The following EPHA6 variants were observed in gnomAD, a reference collection of about 807,000 sequenced individuals.
The protein encoded by EPHA6 is ephrin type-A receptor 6.
Under a neutral mutation model 112.0 loss-of-function variants are expected in EPHA6, and 50 were observed. The observed-to-expected ratio is 0.45, with a 90% CI of 0.36 to 0.56. The LOEUF is 0.56. Ranked by LOEUF, EPHA6 falls within the 20% of genes least tolerant of loss-of-function variation. The pLI, the probability that EPHA6 is intolerant of heterozygous loss-of-function variation, is 0.00. For missense variants in EPHA6, 1,280 were observed against 1,417.4 expected, an observed-to-expected ratio of 0.90 and a Z score of 1.56; for synonymous variants, 529 against 490.7, an observed-to-expected ratio of 1.08 and a Z score of -1.03.
At chr3:97,580,498 T>A (rs1360691181) in intron 11 of EPHA6, among the ~76,000 whole-genome samples, 1 of 152,194 alleles carries the variant, frequency 6.6e-6, no homozygotes, top group African/African-American at 2.4e-5. Flanking sequence ...TTCTCTTGAC[T>A]CTCCTTCAAT....
chr3:96,917,238 A>C (rs1576026026), intron 2 of EPHA6, among the ~76,000 whole-genome samples: 1 of 151,840 alleles, frequency 6.6e-6, no homozygotes, highest in South Asian at 2.1e-4. Context: ...CTGACCAACA[A>C]GGTGAAACCC....
chr3:97,168,814 A>G (rs568613483), intron 3 of EPHA6, among the ~76,000 whole-genome samples: 24 of 152,220 alleles, frequency 1.6e-4, no homozygotes, highest in South Asian at 2.1e-4. Context: ...ATGGGCTGAT[A>G]TGGAAAATTG....
At chr3:97,375,857 TA>T (rs1384358839) in intron 5 of EPHA6, among the ~76,000 whole-genome samples, 1 of 152,126 alleles carries the variant, frequency 6.6e-6, no homozygotes, top group East Asian at 1.9e-4. Flanking sequence ...TTCATTTATA[TA>T]GAATTCTAGA....
At chr3:96,926,979 C>A (rs969314296) in intron 2 of EPHA6, among the ~76,000 whole-genome samples, 34 of 152,318 alleles carry the variant, frequency 2.2e-4, no homozygotes, top group African/African-American at 7.5e-4. Flanking sequence ...ACTGTACTAC[C>A]CTAGCAAAGG....
At chr3:97,160,355 C>T (rs1471569769) in intron 3 of EPHA6, among the ~76,000 whole-genome samples, 1 of 152,140 alleles carries the variant, frequency 6.6e-6, no homozygotes, top group African/African-American at 2.4e-5. Context: ...CGGGTCACTA[C>T]AATCTCCGCC....
intron 2 of EPHA6, among the ~76,000 whole-genome samples, chr3:96,962,300 A>G (rs2041973363): frequency 6.6e-6 from 1 of 152,048 alleles, no homozygotes; most frequent in South Asian, 2.1e-4. Context: ...ATGCCATTCA[A>G]GGAAGTATTT....
intron 13 of EPHA6, among the ~76,000 whole-genome samples, chr3:97,632,187 A>G (rs2093909416): frequency 6.6e-6 from 1 of 152,022 alleles, no homozygotes; most frequent in Non-Finnish European, 1.5e-5. Context: ...AAATACATCA[A>G]GAGAATATCT....
intron 2 of EPHA6, among the ~76,000 whole-genome samples, chr3:96,914,648 T>C (rs1172276463): frequency 6.6e-6 from 1 of 152,150 alleles, no homozygotes; most frequent in Non-Finnish European, 1.5e-5. Context: ...CAGAGTTTAG[T>C]AGAGAAAATC....
chr3:97,378,150 A>G (rs553676470), intron 5 of EPHA6, among the ~76,000 whole-genome samples: 12 of 152,134 alleles, frequency 7.9e-5, no homozygotes, highest in African/African-American at 2.9e-4. Flanking sequence ...CTGTCTAGGG[A>G]CTTGTTGCCC....
At chr3:97,589,156 T>G (rs1260214938) in intron 11 of EPHA6, among the ~76,000 whole-genome samples, 1 of 151,538 alleles carries the variant, frequency 6.6e-6, no homozygotes, top group Admixed American at 6.6e-5. Context: ...ATTTTTTCTT[T>G]TCTTCTCTTT....
chr3:97,321,162 G>A (rs1257051428), intron 5 of EPHA6, among the ~76,000 whole-genome samples: 1 of 151,712 alleles, frequency 6.6e-6, no homozygotes, highest in Admixed American at 6.6e-5. Context: ...ATCTATTTGA[G>A]GCAGTAGGCT....
At chr3:96,880,696 C>T (rs944655641) in intron 2 of EPHA6, among the ~76,000 whole-genome samples, 6 of 152,074 alleles carry the variant, frequency 3.9e-5, no homozygotes, top group African/African-American at 1.4e-4. Flanking sequence ...CTTCCTCCCC[C>T]CACCTCACGC....
rs779064413 is a variant in EPHA6 at position 96,988,037 on chromosome 3, T to G, written c.1114+44T>G. ...AATAATTTATCTTGCATTTAAATGA[T>G]TTTAAAAAAGTTTTATTTTTTAAAT... On this transcript the variant is annotated intron_variant, in intron 3 of 17. Coordinates refer to ENST00000389672, the MANE Select transcript of EPHA6 (RefSeq NM_001080448.3). 36 of 1,460,428 alleles carry G rather than the reference T, an allele frequency of 2.5e-5. 1 individual carries two copies. In the Middle Eastern group the frequency reaches 5.4e-4, roughly 22 times the overall value. The allele number at this position is 1,460,428 out of a possible 1,614,324, so 90.5% of individuals were successfully genotyped here. A position where few individuals can be genotyped will look rare whatever the true frequency, so the allele number is the denominator to read the frequency against.
At chr3:97,498,915 T>C (rs1009026449) in intron 10 of EPHA6, among the ~76,000 whole-genome samples, 4 of 152,312 alleles carry the variant, frequency 2.6e-5, no homozygotes, top group African/African-American at 9.6e-5. Flanking sequence ...GCCAAAAAGG[T>C]TGGGGACCTC....
chr3:97,466,402 T>C (rs766857114), intron 7 of EPHA6: 4 of 1,608,044 alleles, frequency 2.5e-6, no homozygotes, highest in Admixed American at 3.4e-5. Flanking sequence ...TTTCTCTTGG[T>C]TCATTATATT....
chr3:97,496,427 C>A (rs112594059), intron 10 of EPHA6, among the ~76,000 whole-genome samples: 1 of 152,024 alleles, frequency 6.6e-6, no homozygotes, highest in South Asian at 2.1e-4. Context: ...TTTACAGATA[C>A]GAAAGCTAAG....
chr3:96,912,019 A>G, intron 2 of EPHA6, among the ~76,000 whole-genome samples: 1 of 152,212 alleles, frequency 6.6e-6, no homozygotes, highest in Non-Finnish European at 1.5e-5. Flanking sequence ...TCTTAAATAA[A>G]TTCAAATTGT....
chr3:96,964,403 G>C (rs2042050149), intron 2 of EPHA6, among the ~76,000 whole-genome samples: 1 of 152,138 alleles, frequency 6.6e-6, no homozygotes. Flanking sequence ...GTTCATCTTA[G>C]ACAACTGTTC....
chr3:97,475,098 A>C (rs2091331695), intron 7 of EPHA6, among the ~76,000 whole-genome samples: 1 of 151,906 alleles, frequency 6.6e-6, no homozygotes, highest in Non-Finnish European at 1.5e-5. Flanking sequence ...GGTACTAAGA[A>C]TTCATCTACT....
Sources: gnomAD v4.1 joint callset for allele counts (sites outside exome capture counted in the v4.1 genomes callset) on GRCh38, gnomAD v4.1.1 for gene constraint, MANE v1.5 for transcripts, NCBI Gene and HGNC (gene_info 2026-07-23, HGNC 2026-07-21) for gene names.